The following CDC42BPA variants were observed in gnomAD, a reference collection of about 807,000 sequenced individuals.
The protein encoded by CDC42BPA is serine/threonine-protein kinase MRCK alpha.
A neutral mutation model predicts 223.5 loss-of-function variants in CDC42BPA; 80 were observed. The ratio of observed to expected loss-of-function variants is 0.36; its 90% confidence interval spans 0.30 to 0.43. The LOEUF is 0.43. CDC42BPA is among the 20% of genes least tolerant of loss of function. The pLI is 1.00. For missense variants in CDC42BPA, 1,743 were observed against 2,099.9 expected (o/e 0.83, Z 3.32); for synonymous variants, 694 against 718.6 (o/e 0.97, Z 0.55).
At chr1:227,228,654 C>T (rs1677282459) in intron 2 of CDC42BPA, among the ~76,000 whole-genome samples, 1 of 146,644 alleles carries the variant, frequency 6.8e-6, no homozygotes. Context: ...ACCAGCAATG[C>T]ATAAGCTTTC....
intron 22 of CDC42BPA, among the ~76,000 whole-genome samples, chr1:227,049,479 G>C (rs1673105539): frequency 6.6e-6 from 1 of 152,048 alleles, no homozygotes; most frequent in Non-Finnish European, 1.5e-5. Context: ...TATCATGAAA[G>C]ATGTCAATTC....
chr1:227,261,000 T>C (rs1381019769), intron 1 of CDC42BPA, among the ~76,000 whole-genome samples: 1 of 151,074 alleles, frequency 6.6e-6, no homozygotes, highest in Non-Finnish European at 1.5e-5. Context: ...AAGAACAAAG[T>C]TACAGGTGGT....
chr1:227,057,862 C>G (rs555536274), intron 21 of CDC42BPA, among the ~76,000 whole-genome samples: 4 of 152,066 alleles, frequency 2.6e-5, no homozygotes, highest in South Asian at 4.2e-4. Flanking sequence ...TCTAGGTGTC[C>G]AAGGCCCCAG....
At chr1:227,066,210 G>A (rs925369042) in intron 21 of CDC42BPA, among the ~76,000 whole-genome samples, 1 of 152,058 alleles carries the variant, frequency 6.6e-6, no homozygotes, top group Non-Finnish European at 1.5e-5. Flanking sequence ...CCAACATGGT[G>A]AAAGCCCGTC....
intron 2 of CDC42BPA, among the ~76,000 whole-genome samples, chr1:227,238,119 T>G (rs1031009642): frequency 6.7e-6 from 1 of 148,758 alleles, no homozygotes; most frequent in Non-Finnish European, 1.5e-5. Flanking sequence ...TTGGGAGGCA[T>G]AGGCAGGAGG....
chr1:227,060,020 G>GTTATTTTGT (rs1558401367), intron 21 of CDC42BPA, among the ~76,000 whole-genome samples: 1 of 94,186 alleles, frequency 1.1e-5, no homozygotes, highest in African/African-American at 4.9e-5. Flanking sequence ...ATCTCAAAAA[G>GTTATTTTGT]TTTTTTTTTG....
Position 227,153,830 on chromosome 1 carries a change from A to G in CDC42BPA, c.694-6271T>C, listed in dbSNP as rs1662234042. The stretch of plus-strand genomic sequence containing the variant: ...TTTAAAAGTAAATTCTACCAATGAC[A>G]TAAGTTAACAGACAACTGTACTATA... On this transcript the variant is annotated intron_variant, in intron 6 of 36. Coordinates refer to ENST00000366766, the MANE Select transcript of CDC42BPA (RefSeq NM_001394014.1). Among the ~76,000 whole-genome samples the G allele has an allele frequency of 3.3e-5, 5 of 151,990 alleles. No homozygotes were observed. The South Asian group carries it at 1.0e-3, about 31-fold the overall frequency.
intron 1 of CDC42BPA, among the ~76,000 whole-genome samples, chr1:227,303,931 A>G (rs963021953): frequency 3.3e-5 from 5 of 152,252 alleles, no homozygotes; most frequent in African/African-American, 1.2e-4. Context: ...CATTGTGCAA[A>G]TAAAGTTAAA....
intron 2 of CDC42BPA, among the ~76,000 whole-genome samples, chr1:227,239,542 A>C (rs1679669467): frequency 6.6e-6 from 1 of 152,100 alleles, no homozygotes; most frequent in Admixed American, 6.5e-5. Context: ...GGAACTCTGT[A>C]TTTTCTGCTC....
At position 227,254,045 on chromosome 1, in the gene CDC42BPA, T is replaced by C. The variant is rs1682626423; in HGVS notation, c.270+19A>G. On this transcript the variant is annotated intron_variant, in intron 2 of 36. Transcript: ENST00000366766. ...TCCAAAATAATTAGCAGACCTTCTA[T>C]CAAATCTTAATCTCTTACCTCCCCA... is the stretch of plus-strand genomic sequence containing the variant. 1.4e-6 allele frequency: 2 copies of C among 1,379,942 alleles called. No homozygotes were observed. The highest frequency in any genetic ancestry group is 1.4e-5 in the African/African-American group (1 of 70,026). The allele number at this position is 1,379,942 out of a possible 1,614,324, so 85.5% of individuals were successfully genotyped here.
intron 5 of CDC42BPA, among the ~76,000 whole-genome samples, chr1:227,188,371 T>TA (rs1198187479): frequency 2.7e-5 from 4 of 150,252 alleles, no homozygotes; most frequent in Non-Finnish European, 4.4e-5. Context: ...TAAGAAAAGT[T>TA]AAAAAATAGA....
rs780540906 is a variant in CDC42BPA, at chr1:227,129,251, A to C, written c.1391-20T>G. ...TTGACTCTTTAAAAAAAAGGATAAA[A>C]GAAATAAAAATATCACCATACTCTA... is the stretch of plus-strand genomic sequence containing the variant. On this transcript the variant is annotated intron_variant, in intron 10 of 36. Transcript: ENST00000366766. 2 of 1,525,378 alleles carry C rather than the reference A, an allele frequency of 1.3e-6. No homozygotes were observed. Among genetic ancestry groups the C allele is most frequent in the Non-Finnish European group, 8.8e-7 (1 of 1,134,606 alleles). The allele number at this position is 1,525,378 out of a possible 1,614,324, so 94.5% of individuals were successfully genotyped here. A position where few individuals can be genotyped will look rare whatever the true frequency, so the allele number is the denominator to read the frequency against.
At chr1:227,084,815 T>G (rs1681489770) in intron 16 of CDC42BPA, among the ~76,000 whole-genome samples, 1 of 152,086 alleles carries the variant, frequency 6.6e-6, no homozygotes, top group African/African-American at 2.4e-5. Context: ...GGTCAAACAT[T>G]ATTCTGGGTA....
chr1:227,224,275 C>A (rs1211826635), intron 2 of CDC42BPA, among the ~76,000 whole-genome samples: 12 of 150,688 alleles, frequency 8.0e-5, no homozygotes, highest in Non-Finnish European at 1.3e-4. Flanking sequence ...CTCTTGTTGC[C>A]CAGGCTGGAG....
intron 1 of CDC42BPA, among the ~76,000 whole-genome samples, chr1:227,282,578 T>C (rs1688183156): frequency 6.6e-6 from 1 of 152,228 alleles, no homozygotes; most frequent in South Asian, 2.1e-4. Context: ...TATGTTATTT[T>C]TTAAATGCAG....
At chr1:227,264,629 T>G in intron 1 of CDC42BPA, 1 of 512,588 alleles carries the variant, frequency 2.0e-6, no homozygotes, top group Non-Finnish European at 3.5e-6. Flanking sequence ...GTTAAGAGTA[T>G]ACATTAATTA....
At chr1:227,077,165 G>T (rs760030085) in intron 17 of CDC42BPA, among the ~76,000 whole-genome samples, 1 of 152,168 alleles carries the variant, frequency 6.6e-6, no homozygotes. Flanking sequence ...TGATTCTTAA[G>T]TCATATAGAC....
At chr1:227,088,188 A>C (rs1291429861) in intron 16 of CDC42BPA, among the ~76,000 whole-genome samples, 1 of 152,194 alleles carries the variant, frequency 6.6e-6, no homozygotes, top group African/African-American at 2.4e-5. Flanking sequence ...CCCTTCTTTG[A>C]CTTAGTTTCC....
intron 1 of CDC42BPA, among the ~76,000 whole-genome samples, chr1:227,313,890 A>G (rs1464796466): frequency 2.0e-5 from 3 of 152,174 alleles, no homozygotes; most frequent in Non-Finnish European, 4.4e-5. Context: ...TGAATAAGCT[A>G]TAAAATTAGT....
Sources: allele counts gnomAD v4.1 joint callset (sites outside exome capture counted in the v4.1 genomes callset), GRCh38; gene constraint gnomAD v4.1.1; transcripts MANE v1.5; gene names NCBI Gene and HGNC (gene_info 2026-07-23, HGNC 2026-07-21).